The following FLNB variants were observed in gnomAD, a reference collection of about 807,000 sequenced individuals.
FLNB encodes the protein filamin B.
Under a neutral mutation model 250.6 loss-of-function variants are expected in FLNB, and 111 were observed. The observed-to-expected ratio is 0.44, with a 90% CI of 0.38 to 0.52. The LOEUF is 0.52. FLNB is among the 20% of genes least tolerant of loss of function. The pLI, the probability that FLNB is intolerant of heterozygous loss-of-function variation, is 0.00. For synonymous variants in FLNB, 1,302 were observed against 1,372.1 expected (o/e 0.95, Z 1.13); for missense variants, 2,869 against 3,447.8 (o/e 0.83, Z 4.20).
Position 58,123,114 on chromosome 3 carries a change from C to T in FLNB, c.3148C>T (p.Leu1050Phe). 1 of 1,614,210 alleles carries T rather than the reference C, an allele frequency of 6.2e-7. No homozygotes were observed. The change falls in exon 21 of 46, where the codon CTC becomes TTC. Residue 1050 changes from leucine (L) to phenylalanine (F), a missense_variant. By Grantham distance (22) the Leu-to-Phe change is conservative. Coordinates refer to ENST00000295956, the MANE Select transcript of FLNB (RefSeq NM_001457.4). ...ATAGGTGAAGGCCCACGGTCCCGGC[C>T]TCGAAGGTGGTCTCGTGGGCAAGCC... ...PSKVKAHGPG[L>F]EGGLVGKPAE...
intron 16 of FLNB, among the ~76,000 whole-genome samples, chr3:58,110,570 C>T (rs1323483933): frequency 6.6e-6 from 1 of 152,130 alleles, no homozygotes; most frequent in Non-Finnish European, 1.5e-5. Flanking sequence ...CCTGCCTCAG[C>T]CTCCCAAGTA....
chr3:58,028,100 A>G (rs559698956), intron 1 of FLNB, among the ~76,000 whole-genome samples: 32 of 152,324 alleles, frequency 2.1e-4, no homozygotes, highest in South Asian at 6.2e-4. Flanking sequence ...TTGTGATGCA[A>G]AGTGCCTGAG....
rs749203407 is a variant in FLNB at position 58,097,825 on chromosome 3, T to A, written c.995T>A (p.Leu332His). The A allele has an allele frequency of 1.9e-5, 31 of 1,613,966 alleles. No homozygotes were observed. The highest frequency in any genetic ancestry group is 2.5e-5 in the Non-Finnish European group (29 of 1,179,982). The part of the protein sequence containing the change: ...KVTGLHKVTV[L>H]FAGQHISKSP... Reference sequence around the variant, plus strand: ...ATCTGTCACCTATAGGTCACAGTCCTCTTTGCAGGACAGCACATCTCCAAG... The same window carrying A: ...ATCTGTCACCTATAGGTCACAGTCCACTTTGCAGGACAGCACATCTCCAAG... The change falls in exon 7 of 46, where the codon CTC becomes CAC. Residue 332 changes from leucine to histidine, a missense_variant. Leu to His is a moderately conservative substitution (Grantham distance 99). Coordinates refer to ENST00000295956, the MANE Select transcript of FLNB (RefSeq NM_001457.4).
In FLNB at chr3:58,078,549, A is replaced by G. The variant is rs2106951063; in HGVS notation, c.542-168A>G. On this transcript the variant is annotated intron_variant, in intron 2 of 45. Transcript: ENST00000295956. ...TGGAGGATAGTTTACACCCTGGCAC[A>G]CTCATACCTGTGATACTTTTTGCCT... 1.3e-6 allele frequency: 2 copies of G among 1,535,446 alleles called. 1 individual carries two copies. Among genetic ancestry groups the G allele is most frequent in the South Asian group, 2.4e-5 (2 of 84,010 alleles).
At chr3:58,011,925 C>A (rs2097099453) in intron 1 of FLNB, among the ~76,000 whole-genome samples, 1 of 152,084 alleles carries the variant, frequency 6.6e-6, no homozygotes, top group African/African-American at 2.4e-5. Flanking sequence ...AAAAGTAATG[C>A]CAGGGCTGGA....
Position 58,110,097 on chromosome 3 carries a change from A to C in FLNB, c.2411A>C (p.Asn804Thr). The change falls in exon 16 of 46, where the codon AAT (asparagine) becomes ACT (threonine). Residue 804 changes from asparagine (N) to threonine (T), a missense_variant. Asn to Thr is a moderately conservative substitution (Grantham distance 65, BLOSUM62 0). Transcript: ENST00000295956. ...GATTTTGACATTATTCACAATGCCA[A>C]TGATACGTTCACAGTCAAATATGTG... ...DVDFDIIHNA[N>T]DTFTVKYVPP... 1 of 1,614,202 alleles carries C rather than the reference A, an allele frequency of 6.2e-7. No homozygotes were observed. Among genetic ancestry groups the C allele is most frequent in the South Asian group, 1.1e-5 (1 of 91,084 alleles).
chr3:58,029,498 T>G (rs937911464), intron 1 of FLNB, among the ~76,000 whole-genome samples: 1 of 151,198 alleles, frequency 6.6e-6, no homozygotes, highest in Non-Finnish European at 1.5e-5. Context: ...TGATTAAGAA[T>G]GAGAATTCTT....
chr3:58,104,659 G>A (rs941506213), intron 10 of FLNB, among the ~76,000 whole-genome samples: 1 of 151,624 alleles, frequency 6.6e-6, no homozygotes, highest in Non-Finnish European at 1.5e-5. Flanking sequence ...TTTTTTTTAA[G>A]CCTCCCATGC....
Position 58,169,824 on chromosome 3 carries a change from T to TGGGGGGGGGG in FLNB, c.7621+35_7621+36insGGGGGGGGGG. The TGGGGGGGGGG allele has an allele frequency of 2.9e-6, 2 of 684,922 alleles. No individual in the cohort carries two copies. The highest frequency in any genetic ancestry group is 5.2e-6 in the Non-Finnish European group (2 of 387,974). 42.4% of individuals were successfully genotyped at this position (684,922 alleles called of 1,614,324 possible). A position where few individuals can be genotyped will look rare whatever the true frequency, so the allele number is the denominator to read the frequency against. ...TGTCTGGGCCTTTTCAAGGGTGGGG[T>TGGGGGGGGGG]GGGGCAGGGGCAGGCTGGGCACCCT... On this transcript the variant is annotated intron_variant, in intron 45 of 45. Coordinates refer to ENST00000295956, the MANE Select transcript of FLNB (RefSeq NM_001457.4). The surrounding 1 kb of genome is among the most constrained non-coding windows in gnomAD (Gnocchi z 4.8).
chr3:58,159,834 A>G (rs2097358716), intron 42 of FLNB, 148 bp downstream of exon 42: 3 of 856,196 alleles, frequency 3.5e-6, no homozygotes, highest in Non-Finnish European at 5.6e-6. Context: ...TATTGTTTAT[A>G]AATTAGGGTT....
intron 1 of FLNB, among the ~76,000 whole-genome samples, chr3:58,040,647 G>A (rs554832333): frequency 7.3e-4 from 111 of 152,146 alleles, no homozygotes; most frequent in Non-Finnish European, 1.5e-3. Flanking sequence ...GGCGCATCCT[G>A]CCATGCCTGG....
At chr3:58,098,943 A>T in intron 8 of FLNB, 35 bp downstream of exon 8, 1 of 1,573,142 alleles carries the variant, frequency 6.4e-7, no homozygotes, top group East Asian at 2.2e-5. Context: ...TGTGCTTCTC[A>T]TAGGGAAGCT....
chr3:58,130,874 G>C lies in FLNB; in HGVS notation c.4356G>C (p.Leu1452=). 10 of 1,612,776 alleles carry C rather than the reference G, an allele frequency of 6.2e-6. No homozygotes were observed. The highest frequency in any genetic ancestry group is 8.5e-6 in the Non-Finnish European group (10 of 1,179,678). Residue 1452 remains leucine (L), a synonymous_variant, in exon 25 of 46, where the codon CTG becomes CTC. Transcript: ENST00000295956. ...SFTVDSSKAG[L]APLEVRVLGP... ...CGGTGGACAGCAGCAAGGCTGGCCTGGCTCCGCTGGAAGTGAGGGTTCTGG... is the reference window on the plus strand; with the variant it reads ...CGGTGGACAGCAGCAAGGCTGGCCTCGCTCCGCTGGAAGTGAGGGTTCTGG...
At chr3:58,025,242 A>G (rs1217661059) in intron 1 of FLNB, among the ~76,000 whole-genome samples, 1 of 147,896 alleles carries the variant, frequency 6.8e-6, no homozygotes, top group Non-Finnish European at 1.5e-5. Flanking sequence ...TGATCCTCAC[A>G]TCTCAGCCTC....
rs116533673 is a variant in FLNB, at chr3:58,034,226, A to G, written c.292+25370A>G. ...ACTCTTTGTATGGATGTATATTTCT[A>G]TTTTTCTGAGTGGAATGTTAGGATC... On this transcript the variant is annotated intron_variant, in intron 1 of 45. Coordinates refer to ENST00000295956, the MANE Select transcript of FLNB (RefSeq NM_001457.4). 3.6e-3 allele frequency among the ~76,000 whole-genome samples: 546 copies of G among 151,984 alleles called. 5 individuals are homozygous for G. The highest frequency in any genetic ancestry group is 0.013 in the African/African-American group (527 of 41,438).
At chr3:58,047,552 G>T (rs1285070081) in intron 1 of FLNB, among the ~76,000 whole-genome samples, 1 of 151,804 alleles carries the variant, frequency 6.6e-6, no homozygotes, top group Non-Finnish European at 1.5e-5. Context: ...TTGCTCTAAA[G>T]ATGCATATCA....
rs536168750 is a variant in FLNB at position 58,125,266 on chromosome 3, G to A, written c.3899-315G>A. ...TCCTGCCTCAGCCCCCTGAGTAGCT[G>A]GAACTGCAGGTGTGCACCACCACAC... On this transcript the variant is annotated intron_variant, in intron 22 of 45. Transcript: ENST00000295956. 2.7e-3 allele frequency among the ~76,000 whole-genome samples: 412 copies of A among 152,128 alleles called. 2 individuals are homozygous for A. Among genetic ancestry groups the A allele is most frequent in the Non-Finnish European group, 4.3e-3 (295 of 67,998 alleles).
chr3:58,149,795 G>T (rs1358508957), intron 36 of FLNB, 55 bp from the exon 37 acceptor site: 1 of 1,609,154 alleles, frequency 6.2e-7, no homozygotes. Context: ...CATTCATCAG[G>T]CTCCCTCTTC....
At position 58,171,831 on chromosome 3, in the gene FLNB, G is replaced by C. The variant is rs562510679; in HGVS notation, c.*1069G>C. On this transcript the variant is annotated 3_prime_UTR_variant, in exon 46 of 46. Transcript: ENST00000295956. This position sits in a 1 kb window ranked among gnomAD's most constrained non-coding sequence, Gnocchi z 5.5. The stretch of plus-strand genomic sequence containing the variant: ...AGTTGGGAATGGTTGGGGGAGAGAA[G>C]GGCAGCAGCTTATTGGTGGTCTTTT... 39 of 152,650 alleles carry C rather than the reference G, an allele frequency of 2.6e-4. No individual in the cohort carries two copies. The highest frequency in any genetic ancestry group is 2.2e-3 in the Admixed American group (34 of 15,310). The allele number at this position is 152,650 out of a possible 1,614,324, so 9.5% of individuals were successfully genotyped here.
Sources: gnomAD v4.1 joint callset for allele counts (sites outside exome capture counted in the v4.1 genomes callset) on GRCh38, gnomAD v4.1.1 for gene constraint, Gnocchi (gnomAD v3.1) non-coding constraint, MANE v1.5 for transcripts, NCBI Gene and HGNC (gene_info 2026-07-23, HGNC 2026-07-21) for gene names.